RTL4: variants seen among roughly 807,000 people sequenced by gnomAD.
RTL4 encodes retrotransposon Gag like 4, also known as retrotransposon Gag-like protein 4.
Under a neutral mutation model 5.3 loss-of-function variants are expected in RTL4, and 4 were observed. The observed-to-expected ratio is 0.75, with a 90% confidence interval of 0.37 to 1.72. The LOEUF (loss-of-function observed/expected upper bound fraction) is 1.72, where lower values mean the gene tolerates loss of function less well. Among genes scored for constraint, RTL4 ranks in the 40% most tolerant of loss-of-function variants. The pLI is 0.04. For synonymous variants in RTL4, 98 were observed against 87.3 expected (o/e 1.12, Z -0.68); for missense variants, 260 against 227.1 (o/e 1.14, Z -0.93).
chrX:112,178,390 A>G, the RTL4 span, among the ~76,000 whole-genome samples: 1 of 111,451 alleles, frequency 9.0e-6, no homozygotes, highest in Non-Finnish European at 1.9e-5. Flanking sequence ...GAAACAGAAA[A>G]GGATTTTAGT....
chrX:112,203,058 T>C, the RTL4 span, among the ~76,000 whole-genome samples: 5 of 111,607 alleles, frequency 4.5e-5, no homozygotes, highest in East Asian at 8.6e-4. Context: ...ATCCTCTGCA[T>C]ATCTTTTTCA....
the RTL4 span, among the ~76,000 whole-genome samples, chrX:112,225,023 G>A: frequency 8.9e-6 from 1 of 111,896 alleles, no homozygotes; most frequent in African/African-American, 3.2e-5. Flanking sequence ...AACCCCAGCA[G>A]GTAATTACTA....
chrX:112,153,952 G>A, the RTL4 span, among the ~76,000 whole-genome samples: 1 of 110,679 alleles, frequency 9.0e-6, no homozygotes, highest in East Asian at 2.8e-4. Context: ...CTGTTCTTCT[G>A]CAACCCCCAT....
the RTL4 span, among the ~76,000 whole-genome samples, chrX:112,340,879 G>C: frequency 9.1e-6 from 1 of 110,050 alleles, no homozygotes; most frequent in Non-Finnish European, 1.9e-5. Context: ...ACCACGCCCA[G>C]CTAATTTTTG....
the RTL4 span, among the ~76,000 whole-genome samples, chrX:112,421,304 G>A: frequency 9.0e-6 from 1 of 111,475 alleles, no homozygotes; most frequent in African/African-American, 3.3e-5. Flanking sequence ...ACTAAAAATA[G>A]GATAATTTGT....
the RTL4 span, among the ~76,000 whole-genome samples, chrX:112,445,080 A>T: frequency 1.8e-5 from 2 of 111,653 alleles, no homozygotes; most frequent in Non-Finnish European, 3.8e-5. Context: ...CCTTGCTGAA[A>T]TCTGGGGCTC....
chrX:112,094,480 T>A, the RTL4 span, among the ~76,000 whole-genome samples: 2 of 110,117 alleles, frequency 1.8e-5, no homozygotes, highest in Non-Finnish European at 3.8e-5. Flanking sequence ...AGAAGAGGGG[T>A]CAAGGTCAGT....
chrX:112,309,900 A>G, the RTL4 span, among the ~76,000 whole-genome samples: 4 of 103,646 alleles, frequency 3.9e-5, no homozygotes, highest in South Asian at 9.2e-4. Flanking sequence ...ACACACATAT[A>G]TGTGTGTGTG....
At chrX:112,217,667 A>G in the RTL4 span, among the ~76,000 whole-genome samples, 1 of 112,032 alleles carries the variant, frequency 8.9e-6, no homozygotes, top group Non-Finnish European at 1.9e-5. Context: ...GGAGAAAAGA[A>G]TATGTCAGTA....
chrX:112,326,647 G>A, the RTL4 span, among the ~76,000 whole-genome samples: 22 of 111,619 alleles, frequency 2.0e-4, no homozygotes, highest in African/African-American at 6.5e-4. Context: ...ACTGGGTGGA[G>A]CCCACCACAG....
the RTL4 span, among the ~76,000 whole-genome samples, chrX:112,289,812 A>G: frequency 3.6e-5 from 4 of 111,462 alleles, no homozygotes; most frequent in Non-Finnish European, 7.5e-5. Flanking sequence ...ATACACATAC[A>G]TACACATAGT....
At chrX:112,291,305 T>C in the RTL4 span, among the ~76,000 whole-genome samples, 1 of 109,519 alleles carries the variant, frequency 9.1e-6, no homozygotes, top group African/African-American at 3.3e-5. Flanking sequence ...GTGTCTCTTA[T>C]AATATGCATT....
chrX:112,444,755 A>C, the RTL4 span, among the ~76,000 whole-genome samples: 1 of 111,684 alleles, frequency 9.0e-6, no homozygotes, highest in Non-Finnish European at 1.9e-5. Flanking sequence ...ATGTGTCTAC[A>C]AATTTTTCCA....
At chrX:112,168,939 T>TTC in the RTL4 span, among the ~76,000 whole-genome samples, 22 of 91,855 alleles carry the variant, frequency 2.4e-4, no homozygotes, top group African/African-American at 2.8e-4. Context: ...CTTTCTTTCT[T>TTC]TTTCTTTCTT....
At chrX:112,436,668 CA>C in the RTL4 span, among the ~76,000 whole-genome samples, 11 of 109,893 alleles carry the variant, frequency 1.0e-4, no homozygotes, top group East Asian at 2.9e-4. Flanking sequence ...GAGAGAAGGA[CA>C]TTTTTTTTTT....
At chrX:112,092,132 C>T in the RTL4 span, among the ~76,000 whole-genome samples, 2 of 111,539 alleles carry the variant, frequency 1.8e-5, no homozygotes, top group East Asian at 2.8e-4. Flanking sequence ...TTTTAGATAG[C>T]GTATAGTTGA....
the RTL4 span, among the ~76,000 whole-genome samples, chrX:112,174,376 C>T: frequency 1.0e-5 from 1 of 100,360 alleles, no homozygotes; most frequent in African/African-American, 3.6e-5. Context: ...ATGATGATTT[C>T]CAATTTCATC....
chrX:112,103,371 A>T, the RTL4 span, among the ~76,000 whole-genome samples: 1 of 111,645 alleles, frequency 9.0e-6, no homozygotes, highest in Non-Finnish European at 1.9e-5. Flanking sequence ...TTGAATGATG[A>T]GAACACATGA....
chrX:112,097,786 A>C, the RTL4 span, among the ~76,000 whole-genome samples: 7 of 111,335 alleles, frequency 6.3e-5, no homozygotes, highest in Non-Finnish European at 1.3e-4. Flanking sequence ...ACATCTATTA[A>C]CAATGGTGAG....
Sources: gnomAD v4.1 joint callset for allele counts (sites outside exome capture counted in the v4.1 genomes callset) on GRCh38, gnomAD v4.1.1 for gene constraint, MANE v1.5 for transcripts, NCBI Gene and HGNC (gene_info 2026-07-23, HGNC 2026-07-21) for gene names.